The following MSI2 variants were observed in gnomAD, a reference collection of about 807,000 sequenced individuals.
The protein encoded by MSI2 is musashi RNA binding protein 2, also known as RNA-binding protein Musashi homolog 2.
A neutral mutation model predicts 45.6 loss-of-function variants in MSI2; 17 were observed. That is an observed-to-expected ratio of 0.37 (90% confidence interval 0.26 to 0.56). The LOEUF (loss-of-function observed/expected upper bound fraction) is 0.56, where lower values mean the gene tolerates loss of function less well. Ranked by LOEUF, MSI2 falls within the 20% of genes least tolerant of loss-of-function variation. The pLI, the probability that MSI2 is intolerant of heterozygous loss-of-function variation, is 0.77. For missense variants in MSI2, 293 were observed against 444.2 expected, an observed-to-expected ratio of 0.66 and a Z score of 3.06; for synonymous variants, 156 against 158.2, an observed-to-expected ratio of 0.99 and a Z score of 0.11.
chr17:57,304,838 C>T (rs369534148), intron 5 of MSI2, among the ~76,000 whole-genome samples: 1 of 152,086 alleles, frequency 6.6e-6, no homozygotes, highest in Non-Finnish European at 1.5e-5. Context: ...ACCTCTGGAC[C>T]CTCTCCTAAG....
intron 6 of MSI2, among the ~76,000 whole-genome samples, chr17:57,433,100 C>A (rs539377276): frequency 6.6e-6 from 1 of 152,166 alleles, no homozygotes; most frequent in African/African-American, 2.4e-5. Context: ...GTGCTGCCAC[C>A]TCCCTTTCGA....
chr17:57,377,202 G>T (rs760466355), intron 5 of MSI2, among the ~76,000 whole-genome samples: 1 of 152,192 alleles, frequency 6.6e-6, no homozygotes, highest in African/African-American at 2.4e-5. Flanking sequence ...CCACAGGCGT[G>T]AGCCACCGTG....
intron 10 of MSI2, among the ~76,000 whole-genome samples, chr17:57,649,401 CA>C (rs1290919485): frequency 6.6e-6 from 1 of 151,580 alleles, no homozygotes; most frequent in Non-Finnish European, 1.5e-5. Context: ...TCCATACACC[CA>C]ACACATGTAC....
At chr17:57,678,027 C>T (rs1913355883) in intron 13 of MSI2, among the ~76,000 whole-genome samples, 1 of 152,130 alleles carries the variant, frequency 6.6e-6, no homozygotes, top group South Asian at 2.1e-4. Context: ...TCGGAAAATC[C>T]CACAGAGGCA....
intron 7 of MSI2, among the ~76,000 whole-genome samples, chr17:57,591,796 T>A (rs1904857568): frequency 6.6e-6 from 1 of 151,320 alleles, no homozygotes; most frequent in South Asian, 2.1e-4. Flanking sequence ...GGGAGTTATT[T>A]AACGGGTACA....
chr17:57,387,932 G>A (rs1269833983), intron 5 of MSI2, among the ~76,000 whole-genome samples: 3 of 152,170 alleles, frequency 2.0e-5, no homozygotes, highest in Non-Finnish European at 2.9e-5. Context: ...CTATTTTGTA[G>A]AAGAAGGAAC....
At chr17:57,269,095 G>A (rs1223023330) in intron 5 of MSI2, among the ~76,000 whole-genome samples, 34 of 152,164 alleles carry the variant, frequency 2.2e-4, no homozygotes, top group Admixed American at 2.2e-3. Context: ...GGAAGAGGTG[G>A]TCTTTGCCCC....
Position 57,588,041 on chromosome 17 carries a change from G to A in MSI2, c.455-8827G>A, listed in dbSNP as rs1238407988. Among the ~76,000 whole-genome samples the A allele has an allele frequency of 5.3e-5, 8 of 152,148 alleles. 1 individual carries two copies. In the South Asian group the frequency reaches 1.0e-3, roughly 20 times the overall value. On this transcript the variant is annotated intron_variant, in intron 7 of 13. Transcript: ENST00000284073. ...GCTGCGATGCCACCCTAGAGGGGAC[G>A]GAGACATGGCAGAGAAGGAGGGCCA...
chr17:57,410,007 C>CAAAAAA (rs1960012378), intron 6 of MSI2, among the ~76,000 whole-genome samples: 1 of 2,366 alleles, frequency 4.2e-4, no homozygotes, highest in Non-Finnish European at 1.5e-3. Context: ...GACTCTGTCT[C>CAAAAAA]CAAAAAAAAA....
At chr17:57,488,215 A>G (rs77415249) in intron 6 of MSI2, among the ~76,000 whole-genome samples, 14 of 49,028 alleles carry the variant, frequency 2.9e-4, no homozygotes, top group African/African-American at 6.8e-4. Flanking sequence ...TCACTGGTAT[A>G]TAACAACATC....
intron 5 of MSI2, among the ~76,000 whole-genome samples, chr17:57,303,680 G>C (rs1390723995): frequency 1.3e-5 from 2 of 152,190 alleles, no homozygotes; most frequent in Non-Finnish European, 2.9e-5. Flanking sequence ...CGGAATACCT[G>C]TCAACACATT....
rs370511484 is a variant in MSI2 at position 57,679,627 on chromosome 17, C to A, written c.*110C>A. The A allele has an allele frequency of 8.5e-6, 9 of 1,063,528 alleles. No individual in the cohort carries two copies. In the East Asian group the frequency reaches 3.5e-4, roughly 42 times the overall value. 65.9% of individuals were successfully genotyped at this position (1,063,528 alleles called of 1,614,324 possible). ...TTTAGGTGATGTCCTCAGACCTGGA[C>A]CCCCACCAGCCTCACTCCCCATCCC... On this transcript the variant is annotated 3_prime_UTR_variant, in exon 14 of 14. Transcript: ENST00000284073.
intron 5 of MSI2, among the ~76,000 whole-genome samples, chr17:57,351,739 C>G (rs919736527): frequency 2.0e-5 from 3 of 152,112 alleles, no homozygotes; most frequent in African/African-American, 2.4e-5. Flanking sequence ...GCCTGTAATC[C>G]CAGCTAGTTG....
intron 13 of MSI2, among the ~76,000 whole-genome samples, chr17:57,679,096 C>T (rs1014884696): frequency 2.0e-5 from 3 of 151,988 alleles, no homozygotes; most frequent in African/African-American, 7.3e-5. Context: ...TAAAAGTTAT[C>T]GATGGGTATC....
At chr17:57,477,178 G>C (rs1373643260) in intron 6 of MSI2, among the ~76,000 whole-genome samples, 1 of 150,790 alleles carries the variant, frequency 6.6e-6, no homozygotes, top group Non-Finnish European at 1.5e-5. Flanking sequence ...GTGTGTGTGT[G>C]TGTGTGTGTG....
intron 7 of MSI2, among the ~76,000 whole-genome samples, chr17:57,530,452 T>C (rs1289787218): frequency 6.6e-6 from 1 of 152,208 alleles, no homozygotes; most frequent in Non-Finnish European, 1.5e-5. Context: ...TTTATTGCTT[T>C]AAACAGAAAA....
At chr17:57,674,168 A>G (rs2144748535) in intron 11 of MSI2, among the ~76,000 whole-genome samples, 1 of 150,940 alleles carries the variant, frequency 6.6e-6, no homozygotes, top group South Asian at 2.1e-4. Context: ...CAAGATGCCC[A>G]AACTCTCCAT....
chr17:57,476,137 G>A (rs2085532696), intron 6 of MSI2, among the ~76,000 whole-genome samples: 1 of 152,208 alleles, frequency 6.6e-6, no homozygotes, highest in Non-Finnish European at 1.5e-5. Flanking sequence ...GGTTTGTCAT[G>A]CAAACGGTTA....
At chr17:57,409,278 C>T (rs140163408) in intron 6 of MSI2, among the ~76,000 whole-genome samples, 2 of 152,258 alleles carry the variant, frequency 1.3e-5, no homozygotes, top group African/African-American at 2.4e-5. Flanking sequence ...TTCTTCTCCT[C>T]CTCTTTCTTT....
Sources: allele counts gnomAD v4.1 joint callset (sites outside exome capture counted in the v4.1 genomes callset), GRCh38; gene constraint gnomAD v4.1.1; transcripts MANE v1.5; gene names NCBI Gene and HGNC (gene_info 2026-07-23, HGNC 2026-07-21).